Variants in PUDP observed in about 807,000 individuals in gnomAD.
The protein encoded by PUDP is pseudouridine 5'-phosphatase.
In PUDP, 8 loss-of-function variants were observed where a neutral mutation model predicts 9.4. The ratio of observed to expected loss-of-function variants is 0.85; its 90% CI spans 0.50 to 1.53. The LOEUF (loss-of-function observed/expected upper bound fraction) is 1.53, where lower values mean the gene tolerates loss of function less well. Among genes scored for constraint, PUDP ranks in the 40% most tolerant of loss-of-function variants. The probability of loss-of-function intolerance (pLI) is 0.00; values close to 1 mark genes in which losing one functional copy is unlikely to be tolerated. For synonymous variants in PUDP, 99 were observed against 80.7 expected (o/e 1.23, Z -1.22); for missense variants, 188 against 189.7 (o/e 0.99, Z 0.05).
At chrX:6,886,110 G>A (rs749622464) in intron 3 of PUDP, among the ~76,000 whole-genome samples, 17 of 112,162 alleles carry the variant, frequency 1.5e-4, no homozygotes, top group African/African-American at 5.5e-4. Flanking sequence ...CAGCTCTCCA[G>A]AAGCACCTAT....
intron 3 of PUDP, among the ~76,000 whole-genome samples, chrX:6,926,385 A>G (rs1928102205): frequency 8.9e-6 from 1 of 112,239 alleles, no homozygotes; most frequent in African/African-American, 3.2e-5. Context: ...CACACAATGC[A>G]AAACACAAAG....
intron 3 of PUDP, among the ~76,000 whole-genome samples, chrX:6,755,726 G>C (rs1166069580): frequency 9.0e-6 from 1 of 110,885 alleles, no homozygotes; most frequent in Non-Finnish European, 1.9e-5. Flanking sequence ...ATCTGTGTAG[G>C]GAACTTCATC....
chrX:6,804,575 G>A (rs756869679), intron 3 of PUDP, among the ~76,000 whole-genome samples: 27 of 111,619 alleles, frequency 2.4e-4, no homozygotes, highest in Non-Finnish European at 4.5e-4. Context: ...ATTCTTTATG[G>A]TGCCGTGTAG....
intron 3 of PUDP, among the ~76,000 whole-genome samples, chrX:6,960,136 C>T (rs1238866221): frequency 8.9e-6 from 1 of 112,005 alleles, no homozygotes; most frequent in African/African-American, 3.2e-5. Context: ...GACTTTGGGG[C>T]TATTGGGATG....
intron 3 of PUDP, among the ~76,000 whole-genome samples, chrX:6,948,219 G>T (rs748669812): frequency 2.1e-4 from 24 of 111,876 alleles, no homozygotes; most frequent in Admixed American, 1.1e-3. Context: ...ACAGCTATTT[G>T]CAGGCTTTAG....
chrX:6,732,222 G>T (rs918587443), intron 3 of PUDP, among the ~76,000 whole-genome samples: 11 of 111,406 alleles, frequency 9.9e-5, no homozygotes, highest in African/African-American at 3.6e-4. Flanking sequence ...AATGCTGTCA[G>T]CTTAAAAATT....
chrX:6,982,840 C>T (rs750241539), intron 1 of PUDP, among the ~76,000 whole-genome samples: 53 of 112,498 alleles, frequency 4.7e-4, no homozygotes, highest in Admixed American at 3.7e-3. Flanking sequence ...AGGCTACAAG[C>T]GGGACAGAGT....
chrX:6,727,349 T>A (rs1924751043), intron 3 of PUDP, among the ~76,000 whole-genome samples: 1 of 112,015 alleles, frequency 8.9e-6, no homozygotes, highest in Non-Finnish European at 1.9e-5. Flanking sequence ...CACTATCCTA[T>A]TAAGTTTTAA....
chrX:7,142,567 G>A (rs1448233854), intron 1 of PUDP, among the ~76,000 whole-genome samples: 1 of 110,628 alleles, frequency 9.0e-6, no homozygotes. Flanking sequence ...TTGTTGAAGT[G>A]ACAACAAAGG....
At chrX:7,141,340 C>T (rs1932793637) in intron 1 of PUDP, among the ~76,000 whole-genome samples, 1 of 112,683 alleles carries the variant, frequency 8.9e-6, no homozygotes, top group Non-Finnish European at 1.9e-5. Context: ...GTGAAACAGC[C>T]TTATTGCTGA....
chrX:6,889,365 G>A (rs1206767228), intron 3 of PUDP, among the ~76,000 whole-genome samples: 1 of 110,648 alleles, frequency 9.0e-6, no homozygotes, highest in African/African-American at 3.3e-5. Flanking sequence ...ATGAGTTCTC[G>A]CCATGTTGTC....
At chrX:6,842,938 C>G (rs1241166320) in intron 3 of PUDP, among the ~76,000 whole-genome samples, 3 of 112,317 alleles carry the variant, frequency 2.7e-5, no homozygotes, top group African/African-American at 9.7e-5. Flanking sequence ...ATGTCCTCTG[C>G]TTTTATTCCC....
upstream of PUDP, among the ~76,000 whole-genome samples, chrX:6,723,420 G>C (rs1425135270): frequency 3.0e-5 from 2 of 66,455 alleles, no homozygotes; most frequent in Non-Finnish European, 5.0e-5. Flanking sequence ...GGGTGACAGA[G>C]AGAGGCTCTG....
At chrX:7,021,921 A>G (rs1374633958) in intron 1 of PUDP, among the ~76,000 whole-genome samples, 1 of 112,428 alleles carries the variant, frequency 8.9e-6, no homozygotes, top group Non-Finnish European at 1.9e-5. Context: ...AGCATTACAG[A>G]CTGAATTGTT....
chrX:7,062,952 A>C lies in PUDP; in HGVS notation c.511-12480T>G, dbSNP rs552489724. 5.4e-4 allele frequency among the ~76,000 whole-genome samples: 45 copies of C among 83,272 alleles called. No individual in the cohort carries two copies. The South Asian group carries it at 0.027, about 50-fold the overall frequency. 72.3% of individuals were successfully genotyped at this position (83,272 alleles called of 115,157 possible). A position where few individuals can be genotyped will look rare whatever the true frequency, so the allele number is the denominator to read the frequency against. Reference sequence around the variant, plus strand: ...ACTCATCCACTGAAATACCTGGCTTAGTGTCAAATGTTTTATTCTGCAATG... The same window carrying C: ...ACTCATCCACTGAAATACCTGGCTTCGTGTCAAATGTTTTATTCTGCAATG... On this transcript the variant is annotated intron_variant, in intron 3 of 3. Transcript: ENST00000381077.
At chrX:6,828,366 G>A (rs200496859) in intron 3 of PUDP, among the ~76,000 whole-genome samples, 9 of 66,870 alleles carry the variant, frequency 1.3e-4, no homozygotes, top group Non-Finnish European at 2.8e-4. Flanking sequence ...TGCTATATAT[G>A]TGTGTGTGTG....
chrX:6,942,140 C>T (rs1172719169), intron 3 of PUDP, among the ~76,000 whole-genome samples: 2 of 111,325 alleles, frequency 1.8e-5, no homozygotes, highest in African/African-American at 6.5e-5. Context: ...ACTAAAAGCC[C>T]AGAATTCACC....
intron 3 of PUDP, among the ~76,000 whole-genome samples, chrX:6,901,660 T>C (rs1035896150): frequency 4.4e-5 from 5 of 112,390 alleles, no homozygotes; most frequent in African/African-American, 1.6e-4. Flanking sequence ...ATAGTCACAC[T>C]ATAATTAAAA....
chrX:6,796,050 A>T (rs2146692254), intron 3 of PUDP, among the ~76,000 whole-genome samples: 1 of 112,077 alleles, frequency 8.9e-6, no homozygotes, highest in African/African-American at 3.2e-5. Flanking sequence ...GCTTTCCATT[A>T]TGAATTGTCT....
Sources: gnomAD v4.1 joint callset for allele counts (sites outside exome capture counted in the v4.1 genomes callset) on GRCh38, gnomAD v4.1.1 for gene constraint, MANE v1.5 for transcripts, NCBI Gene and HGNC (gene_info 2026-07-23, HGNC 2026-07-21) for gene names.